Variants in METTL15 observed in about 807,000 individuals in gnomAD.
METTL15 encodes methyltransferase 15, mitochondrial 12S rRNA N4-cytidine, also known as 12S rRNA N(4)-cytidine methyltransferase METTL15.
METTL15 carries 34 observed loss-of-function variants against 38.3 expected under a neutral mutation model. The ratio of observed to expected loss-of-function variants is 0.89; its 90% CI spans 0.68 to 1.18. The LOEUF is 1.18. METTL15 is among the 50% of genes most tolerant of loss of function. METTL15 has a pLI of 0.00. For synonymous variants in METTL15, 162 were observed against 170.9 expected (o/e 0.95, Z 0.41); for missense variants, 438 against 498.4 (o/e 0.88, Z 1.15).
At chr11:28,216,954 T>C (rs2133852798) in intron 4 of METTL15, among the ~76,000 whole-genome samples, 1 of 152,050 alleles carries the variant, frequency 6.6e-6, no homozygotes, top group African/African-American at 2.4e-5. Context: ...CTTAATCCAG[T>C]CTATCATTGA....
intron 3 of METTL15, among the ~76,000 whole-genome samples, chr11:28,136,318 C>T (rs1393982064): frequency 6.6e-6 from 1 of 152,100 alleles, no homozygotes; most frequent in Non-Finnish European, 1.5e-5. Context: ...TAGTAAGTCT[C>T]ACGAGATCTG....
intron 3 of METTL15, among the ~76,000 whole-genome samples, chr11:28,191,348 G>T (rs1307244114): frequency 2.0e-5 from 3 of 150,426 alleles, no homozygotes; most frequent in African/African-American, 7.3e-5. Flanking sequence ...ATGTTCCTGA[G>T]AATTTAATAG....
chr11:28,504,880 A>G (rs1425579897), intron 6 of METTL15, among the ~76,000 whole-genome samples: 1 of 152,198 alleles, frequency 6.6e-6, no homozygotes, highest in African/African-American at 2.4e-5. Context: ...TTCTCTGGCT[A>G]GTATAGAGCT....
At chr11:28,415,078 T>A (rs1236069947) in intron 5 of METTL15, among the ~76,000 whole-genome samples, 1 of 152,202 alleles carries the variant, frequency 6.6e-6, no homozygotes, top group Admixed American at 6.5e-5. Flanking sequence ...AAAATTAATA[T>A]GTTTTGAAGT....
intron 6 of METTL15, chr11:28,327,485 A>G (rs1265471045): frequency 6.6e-6 from 1 of 152,438 alleles, no homozygotes; most frequent in Non-Finnish European, 1.5e-5. Context: ...ACTAGGGGAT[A>G]TACTTAATGT....
At chr11:28,338,073 TTC>T (rs935938077), downstream of METTL15, among the ~76,000 whole-genome samples, 4 of 151,666 alleles carry the variant, frequency 2.6e-5, no homozygotes, top group African/African-American at 9.7e-5. Context: ...TTATCTTTGC[TTC>T]TTTTTTTTTT....
Position 28,199,603 on chromosome 11 carries a change from G to A in METTL15, c.271-11459G>A, listed in dbSNP as rs945746208. ...TGGCAGCTGGGAGGGAGATATGGAA[G>A]GTAGGGAAAAATGCTTATTTCTGTG... On this transcript the variant is annotated intron_variant, in intron 3 of 6. Coordinates refer to ENST00000407364, the MANE Select transcript of METTL15 (RefSeq NM_001113528.2). 4.6e-5 allele frequency among the ~76,000 whole-genome samples: 7 copies of A among 152,100 alleles called. 1 individual carries two copies. In the South Asian group the frequency reaches 1.2e-3, roughly 27 times the overall value.
chr11:28,468,944 G>A (rs911193676), intron 6 of METTL15, among the ~76,000 whole-genome samples: 4 of 152,170 alleles, frequency 2.6e-5, no homozygotes, highest in African/African-American at 9.7e-5. Flanking sequence ...AAATTGGACT[G>A]AGAATTGATT....
chr11:28,207,493 C>T (rs1852402081), intron 3 of METTL15, among the ~76,000 whole-genome samples: 2 of 151,742 alleles, frequency 1.3e-5, no homozygotes, highest in Middle Eastern at 3.4e-3. Context: ...TTTTGATGTG[C>T]TGCTGGATTG....
chr11:28,392,726 T>G (rs1326169129), intron 5 of METTL15, among the ~76,000 whole-genome samples: 2 of 151,966 alleles, frequency 1.3e-5, no homozygotes, highest in African/African-American at 2.4e-5. Context: ...AACTATGTAA[T>G]GGAAGAAAAT....
At position 28,290,281 on chromosome 11, in the gene METTL15, A is replaced by T. The variant is rs1479051793; in HGVS notation, c.483A>T (p.Gly161=). Residue 161 remains glycine (G), a synonymous_variant, in exon 5 of 7, where the codon GGA becomes GGT. Transcript: ENST00000407364. ...ALLMKAGVQP[G]TFDGVLMDLG... ...TAATGAAAGCTGGAGTGCAGCCAGG[A>T]ACTTTTGATGGAGTTCTTATGGATC... The T allele has an allele frequency of 1.9e-6, 3 of 1,613,450 alleles. No homozygotes were observed. The highest frequency in any genetic ancestry group is 1.7e-5 in the Admixed American group (1 of 59,894).
intron 4 of METTL15, among the ~76,000 whole-genome samples, chr11:28,268,762 T>C (rs1855531536): frequency 6.6e-6 from 1 of 152,208 alleles, no homozygotes; most frequent in South Asian, 2.1e-4. Flanking sequence ...GACTTTCTTA[T>C]TGTCCCATGT....
chr11:28,171,866 A>G (rs1237285961), intron 3 of METTL15, among the ~76,000 whole-genome samples: 1 of 151,532 alleles, frequency 6.6e-6, no homozygotes, highest in Non-Finnish European at 1.5e-5. Flanking sequence ...ACTGTAGCTC[A>G]CCACAACCTC....
intron 4 of METTL15, among the ~76,000 whole-genome samples, chr11:28,263,836 A>G (rs1465697672): frequency 6.6e-6 from 1 of 151,852 alleles, no homozygotes; most frequent in Admixed American, 6.6e-5. Context: ...TGTTTTATTT[A>G]CATATTAAAA....
chr11:28,176,837 G>A (rs878928709), intron 3 of METTL15, among the ~76,000 whole-genome samples: 1 of 152,050 alleles, frequency 6.6e-6, no homozygotes, highest in Non-Finnish European at 1.5e-5. Flanking sequence ...ACATCCATAT[G>A]AAATAACAAC....
At chr11:28,122,592 A>G (rs1264853350) in intron 3 of METTL15, among the ~76,000 whole-genome samples, 1 of 151,524 alleles carries the variant, frequency 6.6e-6, no homozygotes, top group Non-Finnish European at 1.5e-5. Flanking sequence ...ATATACATTT[A>G]TGTATACATA....
intron 4 of METTL15, among the ~76,000 whole-genome samples, chr11:28,231,738 T>C (rs1328848976): frequency 1.3e-5 from 2 of 151,892 alleles, no homozygotes; most frequent in African/African-American, 4.8e-5. Context: ...GTTTCAAGAC[T>C]TAGCACTATT....
chr11:28,264,401 A>T (rs1327382932), intron 4 of METTL15, among the ~76,000 whole-genome samples: 2 of 152,030 alleles, frequency 1.3e-5, no homozygotes, highest in African/African-American at 2.4e-5. Flanking sequence ...CTGTTTTTTT[A>T]AAATGTAATA....
chr11:28,289,238 A>G (rs948619229), intron 4 of METTL15, among the ~76,000 whole-genome samples: 1 of 152,126 alleles, frequency 6.6e-6, no homozygotes, highest in Middle Eastern at 3.2e-3. Context: ...ATGCTTTATT[A>G]ATCTTTATGT....
Sources: gnomAD v4.1 joint callset for allele counts (sites outside exome capture counted in the v4.1 genomes callset) on GRCh38, gnomAD v4.1.1 for gene constraint, MANE v1.5 for transcripts, NCBI Gene and HGNC (gene_info 2026-07-23, HGNC 2026-07-21) for gene names.